The following HDAC8 variants were observed in gnomAD, a reference collection of about 807,000 sequenced individuals.
HDAC8 encodes histone deacetylase 8.
Under a neutral mutation model 32.2 loss-of-function variants are expected in HDAC8, and 1 was observed. The observed-to-expected ratio is 0.03, with a 90% CI of 0.01 to 0.15. The LOEUF is 0.15. HDAC8 is among the 10% of genes least tolerant of loss of function. The pLI, the probability that HDAC8 is intolerant of heterozygous loss-of-function variation, is 1.00. For missense variants in HDAC8, 117 were observed against 300.0 expected (o/e 0.39, Z 4.51); for synonymous variants, 108 against 113.9 (o/e 0.95, Z 0.33).
rs782459705 is a variant in HDAC8 at position 72,334,749 on chromosome X, T to C, written c.1112-4673A>G. Among the ~76,000 whole-genome samples the C allele has an allele frequency of 1.5e-4, 17 of 111,899 alleles. No individual in the cohort carries two copies. The South Asian group carries it at 6.4e-3, about 42-fold the overall frequency. ...TGGACTGCCAGTTTGTGATTTCTGG[T>C]TATCTCTGAAACAGTCTTGATTTAT... On this transcript the variant is annotated intron_variant, in intron 10 of 10. Coordinates refer to ENST00000373573, the MANE Select transcript of HDAC8 (RefSeq NM_018486.3).
At chrX:72,346,052 C>T (rs11797940) in intron 10 of HDAC8, among the ~76,000 whole-genome samples, 4,659 of 111,573 alleles carry the variant, frequency 0.042, 127 homozygotes, top group Admixed American at 0.11. Flanking sequence ...GCAATAACAA[C>T]GATGACAAGA....
intron 5 of HDAC8, among the ~76,000 whole-genome samples, chrX:72,493,785 C>A (rs2048941788): frequency 9.0e-6 from 1 of 111,441 alleles, no homozygotes; most frequent in African/African-American, 3.3e-5. Context: ...CAGCCTTGAC[C>A]TCTTGGGTTC....
intron 4 of HDAC8, among the ~76,000 whole-genome samples, chrX:72,537,943 G>A (rs1468358193): frequency 1.8e-5 from 2 of 111,808 alleles, no homozygotes; most frequent in African/African-American, 6.5e-5. Context: ...AGACCAGTGA[G>A]GAAGTGAATG....
chrX:72,559,284 C>G (rs1252311848), intron 4 of HDAC8, among the ~76,000 whole-genome samples: 1 of 108,631 alleles, frequency 9.2e-6, no homozygotes, highest in Non-Finnish European at 1.9e-5. Flanking sequence ...GTTGGCCAGG[C>G]TGGTCTCCAG....
At chrX:72,376,260 G>A (rs868958671) in intron 9 of HDAC8, among the ~76,000 whole-genome samples, 22 of 111,030 alleles carry the variant, frequency 2.0e-4, no homozygotes, top group African/African-American at 6.9e-4. Context: ...CTCCACTGTC[G>A]TTCCTGATTT....
intron 4 of HDAC8, among the ~76,000 whole-genome samples, chrX:72,528,332 GTC>G (rs782201555): frequency 1.8e-5 from 2 of 112,023 alleles, no homozygotes; most frequent in Non-Finnish European, 3.8e-5. Context: ...ACTCAAGGGA[GTC>G]TCTATAAATA....
chrX:72,352,501 A>G (rs1237689720), intron 9 of HDAC8, among the ~76,000 whole-genome samples: 2 of 111,098 alleles, frequency 1.8e-5, no homozygotes, highest in Non-Finnish European at 3.8e-5. Flanking sequence ...AGATTTTTCA[A>G]CAGTGACCCA....
intron 9 of HDAC8, among the ~76,000 whole-genome samples, chrX:72,440,189 T>C (rs1713196886): frequency 8.9e-6 from 1 of 111,808 alleles, no homozygotes. Flanking sequence ...ACCACACAAC[T>C]ACATGGAAAC....
rs782144415 is a variant in HDAC8, at chrX:72,357,900, TTTTC to T, written c.1006-6066_1006-6063del. ...AAACCTAGCACAGAGCACAGATTTC[TTTTC>T]TTTCTTTCTTTTTTTTTTTAGACGG... On this transcript the variant is annotated intron_variant, in intron 9 of 10. Coordinates refer to ENST00000373573, the MANE Select transcript of HDAC8 (RefSeq NM_018486.3). 7.2e-5 allele frequency among the ~76,000 whole-genome samples: 8 copies of T among 110,960 alleles called. No homozygotes were observed. The East Asian group carries it at 1.1e-3, about 16-fold the overall frequency.
intron 7 of HDAC8, among the ~76,000 whole-genome samples, chrX:72,483,437 T>A (rs2048571051): frequency 1.8e-5 from 2 of 111,181 alleles, no homozygotes; most frequent in South Asian, 7.7e-4. Flanking sequence ...TCTTGCTCCC[T>A]CTTGTGTGAT....
At chrX:72,350,840 G>C (rs143043767) in intron 10 of HDAC8, among the ~76,000 whole-genome samples, 253 of 111,809 alleles carry the variant, frequency 2.3e-3, no homozygotes, top group African/African-American at 7.9e-3. Flanking sequence ...TCTACCCCGA[G>C]GCCAGAATGA....
At chrX:72,358,289 C>T (rs2044434567) in intron 9 of HDAC8, among the ~76,000 whole-genome samples, 1 of 111,379 alleles carries the variant, frequency 9.0e-6, no homozygotes, top group African/African-American at 3.3e-5. Context: ...TTTTTCCTTC[C>T]TTAAGTTAAG....
intron 9 of HDAC8, among the ~76,000 whole-genome samples, chrX:72,437,187 G>A (rs893579837): frequency 2.7e-5 from 3 of 111,664 alleles, no homozygotes; most frequent in African/African-American, 9.8e-5. Context: ...GCCCACGGAG[G>A]GTGAGCTGAA....
chrX:72,446,559 T>G (rs1452636614), intron 9 of HDAC8, among the ~76,000 whole-genome samples: 5 of 110,528 alleles, frequency 4.5e-5, no homozygotes, highest in Non-Finnish European at 9.5e-5. Context: ...GGGGGAGGGA[T>G]AGCATTAGGA....
chrX:72,331,509 AT>A (rs2043522999), intron 10 of HDAC8, among the ~76,000 whole-genome samples: 1 of 111,153 alleles, frequency 9.0e-6, no homozygotes, highest in Non-Finnish European at 1.9e-5. Flanking sequence ...AGGCTATTTT[AT>A]TTTTTTACTC....
intron 9 of HDAC8, among the ~76,000 whole-genome samples, chrX:72,448,284 A>G (rs1173583602): frequency 9.0e-6 from 1 of 111,654 alleles, no homozygotes; most frequent in Non-Finnish European, 1.9e-5. Flanking sequence ...AATGCTGCAT[A>G]TCTACAACCC....
intron 4 of HDAC8, among the ~76,000 whole-genome samples, chrX:72,496,074 A>G (rs782416711): frequency 9.0e-6 from 1 of 111,357 alleles, no homozygotes; most frequent in Admixed American, 9.6e-5. Flanking sequence ...GAGTGTATTT[A>G]AGTTATTTTT....
At chrX:72,430,508 T>C (rs1555977078) in intron 9 of HDAC8, among the ~76,000 whole-genome samples, 1 of 112,536 alleles carries the variant, frequency 8.9e-6, no homozygotes, top group Non-Finnish European at 1.9e-5. Context: ...AATTGGGTTG[T>C]CAATAGCTTT....
At chrX:72,371,773 T>C (rs782603866) in intron 9 of HDAC8, among the ~76,000 whole-genome samples, 4 of 112,232 alleles carry the variant, frequency 3.6e-5, no homozygotes, top group Non-Finnish European at 7.5e-5. Context: ...AGAATACTTA[T>C]TGAGTGCCTA....
Sources: gnomAD v4.1 joint callset for allele counts (sites outside exome capture counted in the v4.1 genomes callset) on GRCh38, gnomAD v4.1.1 for gene constraint, MANE v1.5 for transcripts, NCBI Gene and HGNC (gene_info 2026-07-23, HGNC 2026-07-21) for gene names.